The following KCTD16 variants were observed in gnomAD, a reference collection of about 807,000 sequenced individuals.
KCTD16 encodes potassium channel tetramerization domain containing 16.
KCTD16 carries 13 observed loss-of-function variants against 33.2 expected under a neutral mutation model. That is an observed-to-expected ratio of 0.39 (90% CI 0.25 to 0.62). The LOEUF (loss-of-function observed/expected upper bound fraction) is 0.62. KCTD16 is among the 20% of genes least tolerant of loss of function. KCTD16 has a pLI of 0.50. For missense variants in KCTD16, 441 were observed against 525.1 expected (o/e 0.84, Z 1.57); for synonymous variants, 197 against 195.3 (o/e 1.01, Z -0.07).
intron 3 of KCTD16, among the ~76,000 whole-genome samples, chr5:144,419,713 C>T (rs752704095): frequency 1.3e-5 from 2 of 152,208 alleles, no homozygotes; most frequent in Admixed American, 6.5e-5. Flanking sequence ...CTATTTAATG[C>T]GGTAGACACT....
chr5:144,199,707 A>ATTTTTTT lies in KCTD16; in HGVS notation c.-326-6660_-326-6654dup, dbSNP rs574670606. On this transcript the variant is annotated intron_variant, in intron 2 of 3. Transcript: ENST00000512467. ...TGACCATTTGTTCCAGAACAGCTTC[A>ATTTTTTT]TTTTTTTTTTTTTTTTTTTTTTTTT... Among the ~76,000 whole-genome samples the ATTTTTTT allele has an allele frequency of 2.5e-3, 169 of 67,724 alleles. 19 individuals carry two copies. Among genetic ancestry groups the ATTTTTTT allele is most frequent in the Middle Eastern group, 0.01 (1 of 98 alleles). 44.4% of individuals were successfully genotyped at this position (67,724 alleles called of 152,430 possible).
chr5:144,441,335 C>G (rs1031352744), intron 3 of KCTD16, among the ~76,000 whole-genome samples: 1 of 152,088 alleles, frequency 6.6e-6, no homozygotes. Context: ...CCATTGGTGG[C>G]TAACCCAAAG....
chr5:144,430,830 G>A (rs918631588), intron 3 of KCTD16, among the ~76,000 whole-genome samples: 2 of 152,044 alleles, frequency 1.3e-5, no homozygotes, highest in African/African-American at 2.4e-5. Flanking sequence ...AATTTTCACT[G>A]GCAACATCCC....
chr5:144,187,507 T>C (rs1237532566), intron 2 of KCTD16, among the ~76,000 whole-genome samples: 1 of 152,176 alleles, frequency 6.6e-6, no homozygotes, highest in South Asian at 2.1e-4. Flanking sequence ...TTCTTCTAGC[T>C]ATAACAAAAT....
intron 3 of KCTD16, among the ~76,000 whole-genome samples, chr5:144,400,290 T>G (rs936200172): frequency 3.9e-5 from 6 of 152,060 alleles, no homozygotes. Context: ...AGGTATGATA[T>G]CTCTACCAGT....
chr5:144,280,522 T>C (rs1002486623), intron 3 of KCTD16, among the ~76,000 whole-genome samples: 1 of 152,232 alleles, frequency 6.6e-6, no homozygotes, highest in Non-Finnish European at 1.5e-5. Context: ...TGATAAATTC[T>C]GATATTGCTA....
intron 3 of KCTD16, among the ~76,000 whole-genome samples, chr5:144,341,643 C>A (rs751652809): frequency 2.0e-5 from 3 of 152,144 alleles, no homozygotes; most frequent in Admixed American, 1.3e-4. Context: ...GAACCATTTG[C>A]ACAAGTTCAC....
chr5:144,236,395 G>C (rs950516378), intron 3 of KCTD16, among the ~76,000 whole-genome samples: 1 of 152,070 alleles, frequency 6.6e-6, no homozygotes, highest in Non-Finnish European at 1.5e-5. Flanking sequence ...ATATGCAGGG[G>C]CATGGAACAT....
At chr5:144,235,102 G>A (rs971383988) in intron 3 of KCTD16, among the ~76,000 whole-genome samples, 5 of 152,056 alleles carry the variant, frequency 3.3e-5, no homozygotes, top group Admixed American at 6.6e-5. Context: ...ACAAACACAC[G>A]CAGTTGATGG....
intron 3 of KCTD16, among the ~76,000 whole-genome samples, chr5:144,238,812 T>C (rs1243939977): frequency 6.6e-6 from 1 of 152,190 alleles, no homozygotes; most frequent in East Asian, 1.9e-4. Context: ...GCTATGCCCA[T>C]TCATCTATTC....
At chr5:144,376,304 A>G (rs1042541169) in intron 3 of KCTD16, among the ~76,000 whole-genome samples, 5 of 152,188 alleles carry the variant, frequency 3.3e-5, no homozygotes, top group African/African-American at 1.2e-4. Flanking sequence ...TATGAAAGGT[A>G]TAGTCTTTAT....
At chr5:144,331,009 A>G (rs762770607) in intron 3 of KCTD16, among the ~76,000 whole-genome samples, 3 of 152,240 alleles carry the variant, frequency 2.0e-5, no homozygotes, top group Non-Finnish European at 2.9e-5. Context: ...GACTTAGTAG[A>G]TGGAACTGAA....
chr5:144,172,970 A>T (rs924889325), intron 1 of KCTD16, among the ~76,000 whole-genome samples: 1 of 152,214 alleles, frequency 6.6e-6, no homozygotes, highest in African/African-American at 2.4e-5. Flanking sequence ...AGCATTAAAA[A>T]TTGCTGATTT....
chr5:144,375,596 C>T (rs896320537), intron 3 of KCTD16, among the ~76,000 whole-genome samples: 5 of 152,116 alleles, frequency 3.3e-5, no homozygotes, highest in African/African-American at 1.2e-4. Context: ...AACCTGAGTA[C>T]TTGAAAGGTT....
intron 3 of KCTD16, among the ~76,000 whole-genome samples, chr5:144,310,124 T>A (rs1460661635): frequency 6.6e-6 from 1 of 152,118 alleles, no homozygotes; most frequent in African/African-American, 2.4e-5. Context: ...CTTTTTTAGC[T>A]CCCACATATG....
intron 3 of KCTD16, among the ~76,000 whole-genome samples, chr5:144,278,149 GT>G (rs1270858074): frequency 9.2e-5 from 14 of 152,016 alleles, no homozygotes; most frequent in African/African-American, 3.4e-4. Context: ...AAGTGTAATA[GT>G]TTAACATTTT....
Position 144,373,728 on chromosome 5 carries a change from A to T in KCTD16, c.833-99932A>T, listed in dbSNP as rs150584342. ...AATATCATCAGGAAAAATATTCCAG[A>T]TGTGAAGTTACTGGCATAGGCATTT... On this transcript the variant is annotated intron_variant, in intron 3 of 3. Transcript: ENST00000512467. 4.0e-3 allele frequency among the ~76,000 whole-genome samples: 604 copies of T among 152,334 alleles called. 1 individual carries two copies. Among genetic ancestry groups the T allele is most frequent in the Non-Finnish European group, 6.7e-3 (454 of 68,038 alleles).
At chr5:144,204,447 G>A (rs1191003344) in intron 2 of KCTD16, among the ~76,000 whole-genome samples, 3 of 152,194 alleles carry the variant, frequency 2.0e-5, no homozygotes, top group Non-Finnish European at 4.4e-5. Flanking sequence ...AGTGGATTAG[G>A]TTGCCCTGGA....
At chr5:144,247,646 T>G (rs1754586012) in intron 3 of KCTD16, among the ~76,000 whole-genome samples, 1 of 152,208 alleles carries the variant, frequency 6.6e-6, no homozygotes, top group South Asian at 2.1e-4. Flanking sequence ...TAAATTATAG[T>G]AATTAATACC....
Sources: gnomAD v4.1 joint callset for allele counts (sites outside exome capture counted in the v4.1 genomes callset) on GRCh38, gnomAD v4.1.1 for gene constraint, MANE v1.5 for transcripts, NCBI Gene and HGNC (gene_info 2026-07-23, HGNC 2026-07-21) for gene names.